The following RBFOX1 variants were observed in gnomAD, a reference collection of about 807,000 sequenced individuals.
The protein encoded by RBFOX1 is RNA binding protein fox-1 homolog 1.
A neutral mutation model predicts 57.7 loss-of-function variants in RBFOX1; 8 were observed. The ratio of observed to expected loss-of-function variants is 0.14; its 90% confidence interval spans 0.08 to 0.25. The LOEUF (loss-of-function observed/expected upper bound fraction) is 0.25. RBFOX1 is among the 10% of genes least tolerant of loss of function. RBFOX1 has a pLI of 1.00. For synonymous variants in RBFOX1, 326 were observed against 222.4 expected, an observed-to-expected ratio of 1.47 and a Z score of -4.15; for missense variants, 611 against 548.5, an observed-to-expected ratio of 1.11 and a Z score of -1.14.
intron 2 of RBFOX1, among the ~76,000 whole-genome samples, chr16:5,597,281 C>G (rs1417625615): frequency 6.9e-6 from 1 of 144,652 alleles, no homozygotes; most frequent in Non-Finnish European, 1.5e-5. Context: ...TTCCCTCTTT[C>G]TCTCCGTTGC....
At chr16:6,968,798 A>G (rs1298832717) in intron 3 of RBFOX1, among the ~76,000 whole-genome samples, 2 of 151,804 alleles carry the variant, frequency 1.3e-5, no homozygotes, top group African/African-American at 4.8e-5. Context: ...ATTAGCTCAG[A>G]ATGTATTAAT....
intron 4 of RBFOX1, among the ~76,000 whole-genome samples, chr16:7,183,337 C>G (rs2083101691): frequency 6.6e-6 from 1 of 152,122 alleles, no homozygotes; most frequent in Non-Finnish European, 1.5e-5. Flanking sequence ...GGGTTGATCT[C>G]AAATTTGACA....
intron 3 of RBFOX1, among the ~76,000 whole-genome samples, chr16:6,825,335 T>G (rs1222238857): frequency 1.3e-5 from 2 of 151,698 alleles, no homozygotes; most frequent in African/African-American, 4.8e-5. Flanking sequence ...CAAAAATGGC[T>G]GGTGTTGAGA....
intron 1 of RBFOX1, among the ~76,000 whole-genome samples, chr16:6,171,134 G>A (rs2096957148): frequency 6.6e-6 from 1 of 152,134 alleles, no homozygotes; most frequent in African/African-American, 2.4e-5. Context: ...TCAAATGGTA[G>A]TTCTGTTTTT....
intron 5 of RBFOX1, among the ~76,000 whole-genome samples, chr16:7,557,850 A>G (rs9923463): frequency 0.83 from 125,117 of 151,268 alleles, 53,292 homozygotes; most frequent in Non-Finnish European, 0.94. Context: ...CCATGGTGCA[A>G]ATACTCCCAT....
chr16:5,981,628 TG>T (rs1194647018), intron 4 of RBFOX1, among the ~76,000 whole-genome samples: 1 of 152,008 alleles, frequency 6.6e-6, no homozygotes, highest in African/African-American at 2.4e-5. Context: ...ACTATCAGGC[TG>T]GGCCAATTTT....
chr16:6,175,803 T>A (rs1455165106), intron 1 of RBFOX1, among the ~76,000 whole-genome samples: 1 of 152,060 alleles, frequency 6.6e-6, no homozygotes, highest in Non-Finnish European at 1.5e-5. Flanking sequence ...AGTCTCTTGG[T>A]GATAAGAAGA....
At chr16:5,390,088 A>G (rs2066363137) in intron 1 of RBFOX1, among the ~76,000 whole-genome samples, 1 of 152,142 alleles carries the variant, frequency 6.6e-6, no homozygotes, top group Non-Finnish European at 1.5e-5. Flanking sequence ...CTACAGAAGA[A>G]ATGCACAGAT....
chr16:5,255,329 C>CATCCATCT (rs1178672165), intron 1 of RBFOX1, among the ~76,000 whole-genome samples: 9 of 119,222 alleles, frequency 7.5e-5, no homozygotes, highest in African/African-American at 2.7e-4. Flanking sequence ...TCCTTCCATC[C>CATCCATCT]ATCCATCCAT....
chr16:5,681,675 G>A (rs1023624826), intron 3 of RBFOX1, among the ~76,000 whole-genome samples: 4 of 152,062 alleles, frequency 2.6e-5, no homozygotes, highest in Admixed American at 6.6e-5. Context: ...TTACAAGCTT[G>A]AGCCACTGTG....
At chr16:6,002,891 T>C (rs1021875595) in intron 4 of RBFOX1, among the ~76,000 whole-genome samples, 2 of 152,186 alleles carry the variant, frequency 1.3e-5, no homozygotes, top group Non-Finnish European at 2.9e-5. Flanking sequence ...AGATATGCAC[T>C]CTACACATAC....
chr16:5,979,793 C>G (rs965816642), intron 4 of RBFOX1, among the ~76,000 whole-genome samples: 1 of 152,058 alleles, frequency 6.6e-6, no homozygotes, highest in African/African-American at 2.4e-5. Context: ...ACCCGGGAGG[C>G]AGAGGTTGCA....
chr16:7,695,161 G>A (rs750125641), intron 14 of RBFOX1, among the ~76,000 whole-genome samples: 1 of 152,120 alleles, frequency 6.6e-6, no homozygotes, highest in Non-Finnish European at 1.5e-5. Context: ...GATATCCCTA[G>A]TCCTTTGATG....
intron 4 of RBFOX1, among the ~76,000 whole-genome samples, chr16:7,165,082 C>G (rs1384793415): frequency 3.3e-5 from 5 of 152,250 alleles, no homozygotes; most frequent in Admixed American, 2.6e-4. Flanking sequence ...CCACCTTTGT[C>G]TTTGGTAGCC....
chr16:5,585,236 A>G (rs1197504237), intron 2 of RBFOX1, among the ~76,000 whole-genome samples: 4 of 152,012 alleles, frequency 2.6e-5, no homozygotes, highest in Non-Finnish European at 5.9e-5. Context: ...CGTTTTCTGG[A>G]TATTTCACAT....
At chr16:7,224,128 A>T (rs1042123810) in intron 4 of RBFOX1, among the ~76,000 whole-genome samples, 1 of 36,822 alleles carries the variant, frequency 2.7e-5, no homozygotes, top group Non-Finnish European at 5.0e-5. Flanking sequence ...TCCTTTTTCT[A>T]AAAAAAAAAA....
chr16:5,815,654 G>C (rs1184548188), intron 3 of RBFOX1, among the ~76,000 whole-genome samples: 1 of 152,108 alleles, frequency 6.6e-6, no homozygotes, highest in Non-Finnish European at 1.5e-5. Flanking sequence ...TTTTTCTTAG[G>C]TGTGTGAAGG....
intron 1 of RBFOX1, among the ~76,000 whole-genome samples, chr16:5,422,878 T>G (rs781494986): frequency 9.7e-4 from 57 of 59,042 alleles, no homozygotes; most frequent in Middle Eastern, 0.016. Context: ...GGAAGATGAG[T>G]AGGGAGTGGG....
intron 1 of RBFOX1, among the ~76,000 whole-genome samples, chr16:5,450,199 G>A (rs1247828442): frequency 6.6e-6 from 1 of 152,168 alleles, no homozygotes; most frequent in Non-Finnish European, 1.5e-5. Flanking sequence ...TTTCCAGCCT[G>A]TGGCATTGCA....
Sources: gnomAD v4.1 joint callset for allele counts (sites outside exome capture counted in the v4.1 genomes callset) on GRCh38, gnomAD v4.1.1 for gene constraint, MANE v1.5 for transcripts, NCBI Gene and HGNC (gene_info 2026-07-23, HGNC 2026-07-21) for gene names.